E2F7: variants seen among roughly 807,000 people sequenced by gnomAD.
E2F7 encodes the protein transcription factor E2F7.
E2F7 carries 35 observed loss-of-function variants against 81.1 expected under a neutral mutation model. That is an observed-to-expected ratio of 0.43 (90% CI 0.33 to 0.57). The LOEUF (loss-of-function observed/expected upper bound fraction) is 0.57, where lower values mean the gene tolerates loss of function less well. Ranked by LOEUF, E2F7 falls within the 20% of genes least tolerant of loss-of-function variation. The pLI, the probability that E2F7 is intolerant of heterozygous loss-of-function variation, is 0.04. For synonymous variants in E2F7, 416 were observed against 416.2 expected, an observed-to-expected ratio of 1.00 and a Z score of 0.01; for missense variants, 961 against 1,093.7, an observed-to-expected ratio of 0.88 and a Z score of 1.71.
In E2F7 at chr12:77,050,084, T is replaced by A. The variant is rs571035355; in HGVS notation, c.538+492A>T. Among the ~76,000 whole-genome samples, 5 of 152,136 alleles carry A rather than the reference T, an allele frequency of 3.3e-5. No homozygotes were observed. The East Asian group carries it at 9.7e-4, about 29-fold the overall frequency. On this transcript the variant is annotated intron_variant, in intron 4 of 12. Transcript: ENST00000322886. Reference sequence around the variant, plus strand: ...ATAAGGTTTAGTTGTTTGAGTTATGTCCAAATGACCTTTTTCTAATTTGAC... The same window carrying A: ...ATAAGGTTTAGTTGTTTGAGTTATGACCAAATGACCTTTTTCTAATTTGAC...
In E2F7 at chr12:77,023,942, G is replaced by A. The variant is rs368985158; in HGVS notation, c.*73C>T. On this transcript the variant is annotated 3_prime_UTR_variant, in exon 13 of 13. Coordinates refer to ENST00000322886, the MANE Select transcript of E2F7 (RefSeq NM_203394.3). ...GAAGGACCCGTGCTCAGGACGGGATGGTTTGCATCCCGCCTCGGACATCCG... is the reference window on the plus strand; with the variant it reads ...GAAGGACCCGTGCTCAGGACGGGATAGTTTGCATCCCGCCTCGGACATCCG... The A allele has an allele frequency of 2.4e-5, 38 of 1,553,986 alleles. No individual in the cohort carries two copies. Among genetic ancestry groups the A allele is most frequent in the Admixed American group, 7.5e-5 (4 of 53,170 alleles).
At chr12:77,039,977 A>G (rs2120677691) in intron 7 of E2F7, among the ~76,000 whole-genome samples, 1 of 152,330 alleles carries the variant, frequency 6.6e-6, no homozygotes, top group East Asian at 1.9e-4. Flanking sequence ...AGCCGGACCA[A>G]AAGAGTACAG....
At chr12:77,050,874 A>G in intron 3 of E2F7, 130 bp from the exon 4 acceptor site, 2 of 855,810 alleles carry the variant, frequency 2.3e-6, no homozygotes, top group South Asian at 2.1e-5. Flanking sequence ...TAGTTAAAAT[A>G]CATTTCCTAA....
chr12:77,062,271 T>C (rs561611867), intron 2 of E2F7, among the ~76,000 whole-genome samples: 12 of 152,334 alleles, frequency 7.9e-5, no homozygotes, highest in Non-Finnish European at 1.8e-4. Context: ...TAAATCACCG[T>C]ATCCCCAGCA....
chr12:77,029,743 A>G, intron 10 of E2F7, 88 bp downstream of exon 10: 1 of 1,548,874 alleles, frequency 6.5e-7, no homozygotes, highest in Non-Finnish European at 8.7e-7. Context: ...TCCAGACTCC[A>G]TTGCTTATTA....
At position 77,046,166 on chromosome 12, in the gene E2F7, T is replaced by G; in HGVS notation, c.701A>C (p.Gln234Pro). The G allele has an allele frequency of 6.2e-7, 1 of 1,614,252 alleles. No homozygotes were observed. Among genetic ancestry groups the G allele is most frequent in the Middle Eastern group, 1.6e-4 (1 of 6,062 alleles). Residue 234 changes from glutamine (Q) to proline (P), a missense_variant, in exon 5 of 13, where the codon CAA becomes CCA. By Grantham distance (76) the Gln-to-Pro change is moderately conservative. Around this residue, in one of 3 missense-constraint regions of E2F7, gnomAD observed 301 missense variants for 405.0 expected, o/e 0.74. Transcript: ENST00000322886. ...CTCTTTCTGTTGGAGGTAGGCCATT[T>G]GCTCTTCATATTTCTGCTCCTCTCC... ...RLGEEQKYEE[Q>P]MAYLQQKELD...
chr12:77,024,334 C>G (rs1352268888), intron 12 of E2F7, 149 bp from the exon 13 acceptor site: 3 of 825,342 alleles, frequency 3.6e-6, no homozygotes, highest in African/African-American at 1.7e-5. Context: ...CCCCGTTTGT[C>G]TCCCCTGCTT....
At chr12:77,025,511 T>C in intron 12 of E2F7, 47 bp downstream of exon 12, 1 of 1,595,260 alleles carries the variant, frequency 6.3e-7, no homozygotes, top group South Asian at 1.1e-5. Context: ...AACACAGGCA[T>C]ACCCCTTCCC....
intron 7 of E2F7, among the ~76,000 whole-genome samples, chr12:77,036,712 C>T (rs559897793): frequency 1.9e-4 from 29 of 151,624 alleles, no homozygotes; most frequent in Admixed American, 3.3e-4. Flanking sequence ...CAGGCATGGG[C>T]GATACCACCT....
At position 77,025,629 on chromosome 12, in the gene E2F7, G is replaced by GTGACC; in HGVS notation, c.2489_2493dup (p.His832GlyfsTer21). 6.2e-7 allele frequency: 1 copy of GTGACC among 1,614,212 alleles called. No individual in the cohort carries two copies. Among genetic ancestry groups the GTGACC allele is most frequent in the Non-Finnish European group, 8.5e-7 (1 of 1,180,050 alleles). ...GACTCAGGTTGTTGGACGACACTGT[G>GTGACC]TGACCTTGACATCACTGGACTTAGG... On this transcript the variant is annotated frameshift_variant, in exon 12 of 13. Transcript: ENST00000322886. LOFTEE classifies it high-confidence loss of function.
chr12:77,051,673 ACTT>A (rs1954990358), intron 3 of E2F7, among the ~76,000 whole-genome samples: 1 of 152,142 alleles, frequency 6.6e-6, no homozygotes, highest in Non-Finnish European at 1.5e-5. Flanking sequence ...ATAACAGAGA[ACTT>A]CTTCAATGAA....
chr12:77,036,781 G>A (rs867345731), intron 7 of E2F7, among the ~76,000 whole-genome samples: 14 of 148,546 alleles, frequency 9.4e-5, no homozygotes, highest in African/African-American at 1.7e-4. Flanking sequence ...TCGCTCTGTC[G>A]CCCAGGCTGG....
chr12:77,032,874 T>C (rs1458507246), intron 9 of E2F7, among the ~76,000 whole-genome samples, 176 bp downstream of exon 9: 1 of 152,238 alleles, frequency 6.6e-6, no homozygotes. Flanking sequence ...TTCATACTTT[T>C]GTATCCCTGA....
chr12:77,058,779 A>G (rs1955054777), intron 2 of E2F7, among the ~76,000 whole-genome samples: 1 of 152,154 alleles, frequency 6.6e-6, no homozygotes, highest in South Asian at 2.1e-4. Flanking sequence ...CCTCTTTTCT[A>G]TTCTTTATTA....
chr12:77,053,236 TTTGTTTATGTGGGTTATCTA>T (rs1440762981), intron 3 of E2F7, among the ~76,000 whole-genome samples: 1 of 152,206 alleles, frequency 6.6e-6, no homozygotes, highest in Non-Finnish European at 1.5e-5. Context: ...CACAGGGCTT[TTTGTTTATGTGGGTTATCTA>T]TTGATAGTTA....
chr12:77,054,037 C>G (rs1955010951), intron 3 of E2F7, among the ~76,000 whole-genome samples: 1 of 151,932 alleles, frequency 6.6e-6, no homozygotes, highest in African/African-American at 2.4e-5. Flanking sequence ...TACCCCAAGA[C>G]AGTAAGAAGG....
At chr12:77,037,172 A>C (rs1198797315) in intron 7 of E2F7, among the ~76,000 whole-genome samples, 1 of 152,244 alleles carries the variant, frequency 6.6e-6, no homozygotes, top group African/African-American at 2.4e-5. Flanking sequence ...AGAAATGTTA[A>C]AGTTCATCAG....
intron 7 of E2F7, 76 bp from the exon 8 acceptor site, chr12:77,034,118 C>T (rs1253631743): frequency 2.3e-6 from 3 of 1,287,334 alleles, no homozygotes; most frequent in Non-Finnish European, 3.2e-6. Flanking sequence ...TAAGAGATGG[C>T]TTTGAACCTA....
chr12:77,037,262 T>C (rs985789843), intron 7 of E2F7, among the ~76,000 whole-genome samples: 1 of 152,122 alleles, frequency 6.6e-6, no homozygotes, highest in African/African-American at 2.4e-5. Flanking sequence ...TGGGTTAGGG[T>C]TAGACAATTT....
Sources: gnomAD v4.1 joint callset for allele counts (sites outside exome capture counted in the v4.1 genomes callset) on GRCh38, gnomAD v4.1.1 for gene constraint, gnomAD v4.1.1 regional missense constraint, MANE v1.5 for transcripts, NCBI Gene and HGNC (gene_info 2026-07-23, HGNC 2026-07-21) for gene names.